DIS3L2: variants seen among roughly 807,000 people sequenced by gnomAD.
DIS3L2 encodes the protein DIS3-like exonuclease 2.
DIS3L2 carries 34 observed loss-of-function variants against 97.5 expected under a neutral mutation model. The observed-to-expected ratio is 0.35, with a 90% CI of 0.27 to 0.46. The LOEUF (loss-of-function observed/expected upper bound fraction) is 0.46. Among genes scored for constraint, DIS3L2 ranks in the 20% least tolerant of loss-of-function variants. DIS3L2 has a pLI of 1.00. For missense variants in DIS3L2, 1,038 were observed against 1,146.0 expected (o/e 0.91, Z 1.36); for synonymous variants, 435 against 445.2 (o/e 0.98, Z 0.29).
intron 6 of DIS3L2, among the ~76,000 whole-genome samples, chr2:232,122,785 T>C (rs1291783695): frequency 4.6e-5 from 7 of 152,108 alleles, no homozygotes; most frequent in African/African-American, 1.4e-4. Context: ...TAATAGTAGC[T>C]AACAATTGTT....
chr2:232,342,693 A>G (rs1385631098), intron 13 of DIS3L2, among the ~76,000 whole-genome samples: 3 of 152,220 alleles, frequency 2.0e-5, no homozygotes, highest in African/African-American at 2.4e-5. Context: ...AAGGCTGCGT[A>G]TGGTCTTCTA....
At chr2:232,245,383 C>T (rs1196874411) in intron 11 of DIS3L2, among the ~76,000 whole-genome samples, 3 of 152,220 alleles carry the variant, frequency 2.0e-5, no homozygotes, top group Non-Finnish European at 4.4e-5. Context: ...TCCAGCCCTC[C>T]TCCACAGGGA....
In DIS3L2 at chr2:232,330,013, A is replaced by G. The variant is rs768058159; in HGVS notation, c.1923+17A>G. The G allele has an allele frequency of 8.0e-5, 127 of 1,593,200 alleles. No individual in the cohort carries two copies. The East Asian group carries it at 2.9e-3, about 36-fold the overall frequency. Reference sequence around the variant, plus strand: ...GCCCTCAATGTGAGTGGTGGGCAGGATTCGGGGGAGGCCCTGCTTGGGGGA... The same window carrying G: ...GCCCTCAATGTGAGTGGTGGGCAGGGTTCGGGGGAGGCCCTGCTTGGGGGA... On this transcript the variant is annotated intron_variant, in intron 15 of 20. Coordinates refer to ENST00000325385, the MANE Select transcript of DIS3L2 (RefSeq NM_152383.5).
intron 3 of DIS3L2, among the ~76,000 whole-genome samples, chr2:232,018,925 C>T (rs1694431589): frequency 6.6e-6 from 1 of 152,084 alleles, no homozygotes; most frequent in Admixed American, 6.6e-5. Flanking sequence ...TATTTCATTT[C>T]TCTCTTCATA....
At position 232,300,107 on chromosome 2, in the gene DIS3L2, G is replaced by A. The variant is rs200386096; in HGVS notation, c.1727G>A (p.Arg576His). Residue 576 changes from arginine (R) to histidine (H), a missense_variant, in exon 14 of 21, where the codon CGC becomes CAC. By Grantham distance (29) the Arg-to-His change is conservative. Transcript: ENST00000325385. ...LPQGCHIYEY[R>H]ESNKLVEEFM... ...CAAGGATGTCATATCTATGAGTACC[G>A]CGAGAGCAACAAGTAAGCCACTCAG... The A allele has an allele frequency of 1.8e-4, 292 of 1,613,582 alleles. No individual in the cohort carries two copies. In the Middle Eastern group the frequency reaches 2.0e-3, roughly 11 times the overall value.
chr2:232,314,141 G>T (rs1211643030), intron 14 of DIS3L2, among the ~76,000 whole-genome samples: 1 of 152,210 alleles, frequency 6.6e-6, no homozygotes, highest in East Asian at 1.9e-4. Context: ...GCCCTAAAGG[G>T]CTGCAGCCCT....
At chr2:232,165,953 T>G (rs1225225235) in intron 9 of DIS3L2, among the ~76,000 whole-genome samples, 2 of 152,128 alleles carry the variant, frequency 1.3e-5, no homozygotes, top group African/African-American at 4.8e-5. Context: ...TTAGTAGTTA[T>G]GGGGCCCAAT....
At chr2:232,304,518 T>C (rs1694939210) in intron 14 of DIS3L2, among the ~76,000 whole-genome samples, 1 of 152,188 alleles carries the variant, frequency 6.6e-6, no homozygotes, top group South Asian at 2.1e-4. Flanking sequence ...GGAAAGTGAA[T>C]GCTTCCGACT....
chr2:232,323,212 T>C (rs1190319900), intron 14 of DIS3L2, among the ~76,000 whole-genome samples: 1 of 152,222 alleles, frequency 6.6e-6, no homozygotes, highest in Non-Finnish European at 1.5e-5. Context: ...CTGGTTCTGC[T>C]TGGGGGCAGG....
At chr2:232,200,578 C>T (rs896283027) in intron 9 of DIS3L2, among the ~76,000 whole-genome samples, 2 of 151,168 alleles carry the variant, frequency 1.3e-5, no homozygotes, top group Non-Finnish European at 2.9e-5. Flanking sequence ...GATTATAACA[C>T]AGTGAATTTT....
chr2:232,198,469 T>C (rs1335897430), intron 9 of DIS3L2: 1 of 152,250 alleles, frequency 6.6e-6, no homozygotes, highest in Non-Finnish European at 1.5e-5. Flanking sequence ...TATTAATTAG[T>C]ATTCTCATAG....
At chr2:232,313,062 C>A (rs1273948194) in intron 14 of DIS3L2, among the ~76,000 whole-genome samples, 1 of 152,024 alleles carries the variant, frequency 6.6e-6, no homozygotes, top group Non-Finnish European at 1.5e-5. Context: ...GACAGTTTTA[C>A]TTTTTCCTTT....
At chr2:232,249,993 T>C (rs544422345) in intron 12 of DIS3L2, among the ~76,000 whole-genome samples, 1 of 152,250 alleles carries the variant, frequency 6.6e-6, no homozygotes, top group Non-Finnish European at 1.5e-5. Context: ...GAAAAAGATG[T>C]CTGTGCCTGT....
intron 4 of DIS3L2, among the ~76,000 whole-genome samples, chr2:232,028,123 G>T (rs570074651): frequency 1.3e-5 from 2 of 152,258 alleles, no homozygotes; most frequent in East Asian, 3.9e-4. Flanking sequence ...TGGCATATTT[G>T]TGTTGTCCTC....
At chr2:232,278,544 A>G (rs948127248) in intron 13 of DIS3L2, among the ~76,000 whole-genome samples, 2 of 152,138 alleles carry the variant, frequency 1.3e-5, no homozygotes, top group Admixed American at 6.5e-5. Flanking sequence ...CCAGAATGTC[A>G]CACAAATGGA....
intron 11 of DIS3L2, 70 bp downstream of exon 11, chr2:232,238,715 C>G (rs77946099): frequency 7.4e-7 from 1 of 1,354,450 alleles, no homozygotes; most frequent in Non-Finnish European, 1.0e-6. Context: ...AGAGTGTGTG[C>G]TCTCTGTTAT....
At chr2:232,295,387 A>G (rs1290404419) in intron 13 of DIS3L2, among the ~76,000 whole-genome samples, 2 of 152,212 alleles carry the variant, frequency 1.3e-5, no homozygotes, top group African/African-American at 2.4e-5. Context: ...CCCAATCCAC[A>G]GATCTTACTG....
At chr2:232,027,085 G>A (rs1694680521) in intron 4 of DIS3L2, among the ~76,000 whole-genome samples, 3 of 152,034 alleles carry the variant, frequency 2.0e-5, no homozygotes, top group Non-Finnish European at 2.9e-5. Context: ...TTGCTTTGTG[G>A]GTTTCAGTTT....
rs367935705 is a variant in DIS3L2 at position 232,288,351 on chromosome 2, C to G, written c.1660-11689C>G. On this transcript the variant is annotated intron_variant, in intron 13 of 20. Coordinates refer to ENST00000325385, the MANE Select transcript of DIS3L2 (RefSeq NM_152383.5). ...ATGTGAGCACTGGCTCTTCTGAAAT[C>G]GTAGAGCGTCTCTTCTAACTGATAT... Among the ~76,000 whole-genome samples the G allele has an allele frequency of 7.0e-4, 107 of 152,324 alleles. 1 individual carries two copies. In the East Asian group the frequency reaches 0.012, roughly 18 times the overall value.
Sources: gnomAD v4.1 joint callset for allele counts (sites outside exome capture counted in the v4.1 genomes callset) on GRCh38, gnomAD v4.1.1 for gene constraint, MANE v1.5 for transcripts, NCBI Gene and HGNC (gene_info 2026-07-23, HGNC 2026-07-21) for gene names.